The following MARCHF1 variants were observed in gnomAD, a reference collection of about 807,000 sequenced individuals.
MARCHF1 encodes membrane associated ring-CH-type finger 1.
Under a neutral mutation model 54.2 loss-of-function variants are expected in MARCHF1, and 40 were observed. The observed-to-expected ratio is 0.74, with a 90% CI of 0.57 to 0.96. The LOEUF (loss-of-function observed/expected upper bound fraction) is 0.96. Among genes scored for constraint, MARCHF1 ranks in the 40% least tolerant of loss-of-function variants. The probability of loss-of-function intolerance (pLI) is 0.00; values close to 1 mark genes in which losing one functional copy is unlikely to be tolerated. For synonymous variants in MARCHF1, 236 were observed against 236.3 expected, an observed-to-expected ratio of 1.00 and a Z score of 0.01; for missense variants, 586 against 656.5, an observed-to-expected ratio of 0.89 and a Z score of 1.17.
At chr4:164,095,413 CAA>C (rs1248449609) in intron 2 of MARCHF1, among the ~76,000 whole-genome samples, 1 of 139,186 alleles carries the variant, frequency 7.2e-6, no homozygotes, top group Admixed American at 7.1e-5. Context: ...CACACACACA[CAA>C]ACACACACAC....
At chr4:164,196,243 A>G (rs537389448) in intron 1 of MARCHF1, among the ~76,000 whole-genome samples, 1 of 152,248 alleles carries the variant, frequency 6.6e-6, no homozygotes, top group East Asian at 1.9e-4. Flanking sequence ...GGTACAATAT[A>G]TATTTTCCAC....
intron 1 of MARCHF1, among the ~76,000 whole-genome samples, chr4:164,350,780 C>A (rs988508768): frequency 6.6e-6 from 1 of 152,138 alleles, no homozygotes; most frequent in Non-Finnish European, 1.5e-5. Context: ...CGAATAGGAA[C>A]AGCTCCGGTC....
intron 3 of MARCHF1, among the ~76,000 whole-genome samples, chr4:163,867,814 C>CA (rs1553959675): frequency 0.015 from 1,931 of 131,014 alleles, 44 homozygotes; most frequent in African/African-American, 0.051. Flanking sequence ...CATCAATTTC[C>CA]TTTTTTTTTT....
intron 1 of MARCHF1, among the ~76,000 whole-genome samples, chr4:164,176,978 CTCTATATATA>C (rs1256011276): frequency 0.013 from 512 of 38,770 alleles, 9 homozygotes; most frequent in Middle Eastern, 0.029. Context: ...CTCTCTCTCT[CTCTATATATA>C]TATATATATA....
intron 1 of MARCHF1, among the ~76,000 whole-genome samples, chr4:164,308,245 A>G (rs1427906462): frequency 6.6e-6 from 1 of 152,238 alleles, no homozygotes; most frequent in Non-Finnish European, 1.5e-5. Context: ...ATATTTCATT[A>G]AAACCTAGCA....
intron 5 of MARCHF1, among the ~76,000 whole-genome samples, chr4:163,628,868 T>A (rs771182720): frequency 6.6e-6 from 1 of 151,978 alleles, no homozygotes; most frequent in Admixed American, 6.6e-5. Context: ...TCTTCAAGGA[T>A]AACTACAAAC....
intron 1 of MARCHF1, among the ~76,000 whole-genome samples, chr4:164,173,102 C>T (rs539105524): frequency 1.1e-3 from 161 of 151,980 alleles, no homozygotes; most frequent in African/African-American, 3.8e-3. Context: ...AAACCAAATA[C>T]GTATTTCCAA....
intron 1 of MARCHF1, among the ~76,000 whole-genome samples, chr4:164,124,787 T>C (rs1756145266): frequency 2.0e-5 from 3 of 151,946 alleles, no homozygotes; most frequent in South Asian, 2.1e-4. Context: ...GGAAGGATAG[T>C]GGAGGGTGGA....
intron 2 of MARCHF1, among the ~76,000 whole-genome samples, chr4:164,042,578 AG>A (rs1447946843): frequency 1.3e-5 from 2 of 152,136 alleles, no homozygotes; most frequent in Non-Finnish European, 2.9e-5. Flanking sequence ...GAGATTTAGG[AG>A]GGGACACAAA....
intron 5 of MARCHF1, among the ~76,000 whole-genome samples, chr4:163,638,859 A>G (rs1458464359): frequency 6.6e-6 from 1 of 152,206 alleles, no homozygotes; most frequent in South Asian, 2.1e-4. Context: ...TATTAGTCTT[A>G]GAATAGAAAT....
chr4:164,341,627 G>T (rs961953254), intron 1 of MARCHF1, among the ~76,000 whole-genome samples: 1 of 152,146 alleles, frequency 6.6e-6, no homozygotes, highest in Non-Finnish European at 1.5e-5. Context: ...ATGGCATCAG[G>T]TTGCTGTGTC....
At chr4:164,036,836 G>A (rs1754016182) in intron 2 of MARCHF1, among the ~76,000 whole-genome samples, 1 of 151,928 alleles carries the variant, frequency 6.6e-6, no homozygotes, top group South Asian at 2.1e-4. Context: ...TCTGGGGTGG[G>A]GGGCAATGTA....
At chr4:164,331,345 C>T (rs1435624604) in intron 1 of MARCHF1, among the ~76,000 whole-genome samples, 2 of 151,820 alleles carry the variant, frequency 1.3e-5, no homozygotes, top group African/African-American at 2.4e-5. Context: ...AAAATGGTGG[C>T]GAGTTAAAGT....
At chr4:164,304,543 T>C (rs932345640) in intron 1 of MARCHF1, among the ~76,000 whole-genome samples, 2 of 152,242 alleles carry the variant, frequency 1.3e-5, no homozygotes, top group African/African-American at 4.8e-5. Context: ...TTTCTAAGAA[T>C]GTACAGTATA....
intron 4 of MARCHF1, among the ~76,000 whole-genome samples, chr4:163,792,650 TG>T (rs1191952564): frequency 6.6e-6 from 1 of 152,176 alleles, no homozygotes; most frequent in Non-Finnish European, 1.5e-5. Context: ...CTATTTTAAC[TG>T]AAGAGTAAAA....
chr4:164,010,495 A>C (rs898151251), intron 2 of MARCHF1, among the ~76,000 whole-genome samples: 1 of 152,104 alleles, frequency 6.6e-6, no homozygotes, highest in African/African-American at 2.4e-5. Context: ...GCAATCAATC[A>C]GGAAAAGATA....
At chr4:164,190,022 G>A in intron 1 of MARCHF1, 2 of 1,408,556 alleles carry the variant, frequency 1.4e-6, no homozygotes, top group Non-Finnish European at 2.0e-6. Flanking sequence ...AGTTTGCTGA[G>A]GAAGACACAA....
chr4:163,564,957 C>T lies in MARCHF1; in HGVS notation c.1192-19214G>A, dbSNP rs148069788. On this transcript the variant is annotated intron_variant, in intron 8 of 9. Coordinates refer to ENST00000514618, the MANE Select transcript of MARCHF1 (RefSeq NM_001394959.1). ...ACAGAATTTTGAAGTGACCCCACTTCCATGGAAGGAACTCCCTAAACTGGG... is the reference window on the plus strand; with the variant it reads ...ACAGAATTTTGAAGTGACCCCACTTTCATGGAAGGAACTCCCTAAACTGGG... Among the ~76,000 whole-genome samples the T allele has an allele frequency of 3.3e-3, 496 of 152,114 alleles. 3 individuals are homozygous for T. The highest frequency in any genetic ancestry group is 6.1e-3 in the Non-Finnish European group (417 of 67,998).
chr4:164,364,641 C>T (rs1730828569), intron 1 of MARCHF1, among the ~76,000 whole-genome samples: 1 of 151,456 alleles, frequency 6.6e-6, no homozygotes, highest in African/African-American at 2.4e-5. Flanking sequence ...TTAAATTTTT[C>T]AATCTCAAAT....
Sources: allele counts gnomAD v4.1 joint callset (sites outside exome capture counted in the v4.1 genomes callset), GRCh38; gene constraint gnomAD v4.1.1; transcripts MANE v1.5; gene names NCBI Gene and HGNC (gene_info 2026-07-23, HGNC 2026-07-21).